IARS2: variants seen among roughly 807,000 people sequenced by gnomAD.
IARS2 encodes isoleucine--tRNA ligase, mitochondrial.
A neutral mutation model predicts 126.3 loss-of-function variants in IARS2; 56 were observed. The observed-to-expected ratio is 0.44, with a 90% CI of 0.36 to 0.55. The LOEUF (loss-of-function observed/expected upper bound fraction) is 0.55, where lower values mean the gene tolerates loss of function less well. Among genes scored for constraint, IARS2 ranks in the 20% least tolerant of loss-of-function variants. IARS2 has a pLI of 0.00. For missense variants in IARS2, 1,127 were observed against 1,245.9 expected (o/e 0.90, Z 1.44); for synonymous variants, 407 against 441.1 (o/e 0.92, Z 0.97).
At chr1:220,102,314 T>C in intron 4 of IARS2, 37 bp downstream of exon 4, 2 of 1,607,536 alleles carry the variant, frequency 1.2e-6, no homozygotes, top group South Asian at 1.1e-5. Flanking sequence ...TAGGTTTTAG[T>C]ATGCGTTACA....
chr1:220,094,391 A>G lies in IARS2; in HGVS notation c.175A>G (p.Arg59Gly), dbSNP rs776856675. 4 of 1,612,676 alleles carry G rather than the reference A, an allele frequency of 2.5e-6. No homozygotes were observed. The highest frequency in any genetic ancestry group is 3.4e-6 in the Non-Finnish European group (4 of 1,179,668). ...SNHQPNSNSGRYRDTVLLPQT... is the reference protein window; with the variant it reads ...SNHQPNSNSGGYRDTVLLPQT... ...CCACCAGCCGAACTCGAATAGTGGCAGATACCGGGACACGGTGCTGCTGCC... is the reference window on the plus strand; with the variant it reads ...CCACCAGCCGAACTCGAATAGTGGCGGATACCGGGACACGGTGCTGCTGCC... Residue 59 changes from arginine (R) to glycine (G), a missense_variant, in exon 1 of 23, where the codon AGA (arginine) becomes GGA (glycine). Arg to Gly is a moderately radical substitution (Grantham distance 125). Coordinates refer to ENST00000366922, the MANE Select transcript of IARS2 (RefSeq NM_018060.4).
Position 220,103,509 on chromosome 1 carries a change from C to T in IARS2, c.1013C>T (p.Ala338Val), listed in dbSNP as rs749970922. 2.5e-6 allele frequency: 4 copies of T among 1,613,348 alleles called. No homozygotes were observed. The highest frequency in any genetic ancestry group is 2.7e-5 in the African/African-American group (2 of 74,932). Residue 338 changes from alanine (A) to valine (V), a missense_variant, in exon 8 of 23, where the codon GCA (alanine) becomes GTA (valine). Physicochemically the swap from Ala to Val is moderately conservative, Grantham distance 64 (BLOSUM62 0). Transcript: ENST00000366922. ...DLYVLAADKV[A>V]SVASTLETTF... ...TACGTACTGGCGGCAGATAAAGTAG[C>T]ATCTGTTGCTTCTACTTTGGAAACA...
At chr1:220,110,995 G>T (rs1656789825) in intron 11 of IARS2, 58 bp downstream of exon 11, 2 of 1,505,272 alleles carry the variant, frequency 1.3e-6, no homozygotes, top group African/African-American at 2.8e-5. Flanking sequence ...GTATAAAGGG[G>T]CTGCATGTGA....
In IARS2 at chr1:220,140,266, T is replaced by A. The variant is rs575397770; in HGVS notation, c.2391T>A (p.Phe797Leu). The change falls in exon 19 of 23, where the codon TTT (phenylalanine) becomes TTA (leucine). Residue 797 changes from phenylalanine to leucine, a missense_variant. Physicochemically the swap from Phe to Leu is conservative, Grantham distance 22 (BLOSUM62 0). Coordinates refer to ENST00000366922, the MANE Select transcript of IARS2 (RefSeq NM_018060.4). The stretch of plus-strand genomic sequence containing the variant: ...TTTATACCAGAGAGCTCTCTAACTT[T>A]TATTTCAGTATAATCAAAGATAGGT... ...RTFYTRELSN[F>L]YFSIIKDRLY... 2.5e-6 allele frequency: 4 copies of A among 1,602,518 alleles called. No individual in the cohort carries two copies. The Admixed American group carries it at 6.7e-5, about 27-fold the overall frequency.
At chr1:220,103,991 A>G (rs185718464) in intron 8 of IARS2, among the ~76,000 whole-genome samples, 116 of 152,304 alleles carry the variant, frequency 7.6e-4, no homozygotes, top group African/African-American at 2.7e-3. Context: ...TTATTTTTTA[A>G]AGAGACAGGG....
At chr1:220,125,725 A>G (rs1434416704) in intron 13 of IARS2, among the ~76,000 whole-genome samples, 1 of 151,920 alleles carries the variant, frequency 6.6e-6, no homozygotes, top group Non-Finnish European at 1.5e-5. Flanking sequence ...GGATGGCTTG[A>G]GCCTGGAAGA....
chr1:220,144,035 TTG>T (rs1657537990), intron 21 of IARS2: 1 of 1,506,220 alleles, frequency 6.6e-7, no homozygotes, highest in Non-Finnish European at 9.1e-7. Flanking sequence ...CCAGCTGAGG[TTG>T]TCAGTACAAT....
At chr1:220,132,964 G>T (rs1438387104) in intron 14 of IARS2, among the ~76,000 whole-genome samples, 2 of 151,724 alleles carry the variant, frequency 1.3e-5, no homozygotes, top group African/African-American at 4.8e-5. Context: ...GCACAGACTA[G>T]ATTAAACTCT....
intron 12 of IARS2, among the ~76,000 whole-genome samples, chr1:220,118,739 A>G (rs946549432): frequency 6.6e-6 from 1 of 152,142 alleles, no homozygotes; most frequent in East Asian, 1.9e-4. Context: ...AAAATAGCCA[A>G]GGAATTTCCA....
In IARS2 at chr1:220,141,835, G is replaced by A. The variant is rs1657497742; in HGVS notation, c.2447G>A (p.Arg816Gln). The A allele has an allele frequency of 1.9e-6, 3 of 1,614,114 alleles. No homozygotes were observed. The highest frequency in any genetic ancestry group is 2.5e-6 in the Non-Finnish European group (3 of 1,180,002). ...LYCEKENDPK[R>Q]RSCQTALVEI... is the part of the protein sequence containing the mutation. The stretch of plus-strand genomic sequence containing the variant: ...TGTGAAAAGGAAAATGACCCCAAAC[G>A]ACGCTCTTGTCAGACTGCATTAGTT... The change falls in exon 20 of 23, where the codon CGA becomes CAA. Residue 816 changes from arginine (R) to glutamine (Q), a missense_variant. By Grantham distance (43) the Arg-to-Gln change is conservative (BLOSUM62 1). Coordinates refer to ENST00000366922, the MANE Select transcript of IARS2 (RefSeq NM_018060.4).
rs1186000971 is a variant in IARS2 at position 220,146,517 on chromosome 1, CAAAAAA to C, written c.2896+881_2896+886del. On this transcript the variant is annotated intron_variant, in intron 22 of 22. Coordinates refer to ENST00000366922, the MANE Select transcript of IARS2 (RefSeq NM_018060.4). ...TGGGCGACAGAGCGAGACTCCGTCTCAAAAAAAAAAAAAAAAAAAAAAGCAGGTATC... is the reference window on the plus strand; with the variant it reads ...TGGGCGACAGAGCGAGACTCCGTCTCAAAAAAAAAAAAAAAAGCAGGTATC... 3.7e-3 allele frequency among the ~76,000 whole-genome samples: 230 copies of C among 62,060 alleles called. 7 individuals carry two copies. The South Asian group carries it at 0.15, about 40-fold the overall frequency. The allele number at this position is 62,060 out of a possible 152,430, so 40.7% of individuals were successfully genotyped here. A position where few individuals can be genotyped will look rare whatever the true frequency, so the allele number is the denominator to read the frequency against.
At chr1:220,098,268 G>A (rs1371328185) in intron 2 of IARS2, among the ~76,000 whole-genome samples, 1 of 152,128 alleles carries the variant, frequency 6.6e-6, no homozygotes, top group East Asian at 1.9e-4. Flanking sequence ...TGGGCACTTT[G>A]GAACTAGGGA....
In IARS2 at chr1:220,138,402, C is replaced by T. The variant is rs1423437637; in HGVS notation, c.2175+359C>T. On this transcript the variant is annotated intron_variant, in intron 17 of 22. Transcript: ENST00000366922. ...AGGAGAATCACTTGAACGCAGGAGG[C>T]GGAGGTTGCAGTGAGCCGAGATCGC... Among the ~76,000 whole-genome samples the T allele has an allele frequency of 2.6e-5, 4 of 152,122 alleles. No individual in the cohort carries two copies. The East Asian group carries it at 7.7e-4, about 29-fold the overall frequency.
Position 220,126,775 on chromosome 1 carries a change from A to T in IARS2, c.1769A>T (p.Tyr590Phe). 1 of 1,613,386 alleles carries T rather than the reference A, an allele frequency of 6.2e-7. No individual in the cohort carries two copies. Among genetic ancestry groups the T allele is most frequent in the Non-Finnish European group, 8.5e-7 (1 of 1,179,852 alleles). The change falls in exon 14 of 23, where the codon TAT becomes TTT. Residue 590 changes from tyrosine (Y) to phenylalanine (F), a missense_variant. Tyr to Phe is a conservative substitution (Grantham distance 22, BLOSUM62 3). Transcript: ENST00000366922. ...GTTGGTGGCCCTGATGCCTTGGAAT[A>T]TGTGCCAGGTCAGGATATTTTGGAC... Reference protein sequence around the residue: ...SEVGGPDALEYVPGQDILDIW... With the variant: ...SEVGGPDALEFVPGQDILDIW...
chr1:220,097,467 G>T (rs945135300), intron 2 of IARS2, among the ~76,000 whole-genome samples: 1 of 150,498 alleles, frequency 6.6e-6, no homozygotes, highest in African/African-American at 2.5e-5. Flanking sequence ...GGGTTCAAGC[G>T]ATTCTCCTGC....
Position 220,100,485 on chromosome 1 carries a change from T to C in IARS2, c.391-5T>C, listed in dbSNP as rs2102817615. The C allele has an allele frequency of 6.3e-7, 1 of 1,593,414 alleles. No homozygotes were observed. Among genetic ancestry groups the C allele is most frequent in the African/African-American group, 1.3e-5 (1 of 74,374 alleles). On this transcript the variant is annotated splice_region_variant and splice_polypyrimidine_tract_variant and intron_variant, in intron 2 of 22. Coordinates refer to ENST00000366922, the MANE Select transcript of IARS2 (RefSeq NM_018060.4). ...TGAATGATAATTATCATTTTATCTT[T>C]GCAGATTTTGAAAGACATAGCCAAT...
At chr1:220,128,964 C>T (rs1160164996) in intron 14 of IARS2, among the ~76,000 whole-genome samples, 6 of 150,556 alleles carry the variant, frequency 4.0e-5, no homozygotes, top group South Asian at 2.1e-4. Context: ...TGCAGTGGTG[C>T]GATCTCAGCT....
intron 12 of IARS2, chr1:220,118,194 A>G (rs773326270): frequency 1.2e-5 from 6 of 507,098 alleles, no homozygotes; most frequent in South Asian, 8.9e-5. Context: ...TCCACTGGAA[A>G]TTGGTACACA....
At chr1:220,126,951 G>A (rs1657167817) in intron 14 of IARS2, 108 bp downstream of exon 14, 1 of 742,704 alleles carries the variant, frequency 1.3e-6, no homozygotes, top group African/African-American at 1.8e-5. Flanking sequence ...GCTTTATTTA[G>A]AGATCTGCTA....
Sources: gnomAD v4.1 joint callset for allele counts (sites outside exome capture counted in the v4.1 genomes callset) on GRCh38, gnomAD v4.1.1 for gene constraint, MANE v1.5 for transcripts, NCBI Gene and HGNC (gene_info 2026-07-23, HGNC 2026-07-21) for gene names.